Variants in SCPEP1 observed in about 807,000 individuals in gnomAD.
SCPEP1 encodes serine carboxypeptidase 1, also known as retinoid-inducible serine carboxypeptidase.
SCPEP1 carries 51 observed loss-of-function variants against 63.8 expected under a neutral mutation model. That is an observed-to-expected ratio of 0.80 (90% CI 0.64 to 1.01). SCPEP1 has a LOEUF of 1.01. SCPEP1 is among the 50% of genes least tolerant of loss of function. The probability of loss-of-function intolerance (pLI) is 0.00; values close to 1 mark genes in which losing one functional copy is unlikely to be tolerated. For missense variants in SCPEP1, 499 were observed against 554.9 expected (o/e 0.90, Z 1.01); for synonymous variants, 204 against 207.8 (o/e 0.98, Z 0.16).
Position 57,002,440 on chromosome 17 carries a change from G to T in SCPEP1, c.1296+259G>T, listed in dbSNP as rs12601794. 5.6e-3 allele frequency among the ~76,000 whole-genome samples: 854 copies of T among 152,278 alleles called. 9 individuals are homozygous for T. Among genetic ancestry groups the T allele is most frequent in the East Asian group, 0.041 (210 of 5,180 alleles). On this transcript the variant is annotated intron_variant, in intron 12 of 12. Transcript: ENST00000262288. ...ACAAAAAATATGAAAATTAGGCCAG[G>T]CACAGAGGCTCATGCCTGCAATCCC...
chr17:56,986,527 T>C (rs1458614362), intron 3 of SCPEP1, among the ~76,000 whole-genome samples: 1 of 147,140 alleles, frequency 6.8e-6, no homozygotes, highest in Non-Finnish European at 1.5e-5. Flanking sequence ...CACTTTCTGG[T>C]CTTTCTTTGT....
At chr17:56,999,538 C>T (rs1191363846) in intron 10 of SCPEP1, among the ~76,000 whole-genome samples, 1 of 152,112 alleles carries the variant, frequency 6.6e-6, no homozygotes, top group Non-Finnish European at 1.5e-5. Flanking sequence ...TGGGAGCCTA[C>T]GATTTGCTGC....
chr17:57,005,306 G>A (rs559834369), intron 12 of SCPEP1, among the ~76,000 whole-genome samples: 2 of 152,306 alleles, frequency 1.3e-5, no homozygotes, highest in Admixed American at 6.5e-5. Flanking sequence ...AGCCAACCAC[G>A]CGCTCTGTAT....
At chr17:56,985,280 C>G in intron 2 of SCPEP1, 98 bp from the exon 3 acceptor site, 1 of 880,446 alleles carries the variant, frequency 1.1e-6, no homozygotes, top group South Asian at 1.5e-5. Context: ...TTGACCCAGC[C>G]ATCACTAACT....
intron 2 of SCPEP1, chr17:56,985,148 T>C: frequency 1.8e-6 from 1 of 566,202 alleles, no homozygotes. Flanking sequence ...TCAGGAACAT[T>C]CCATTGTGGA....
Position 57,000,951 on chromosome 17 carries a change from C to A in SCPEP1, c.1091C>A (p.Thr364Lys). 1 of 1,614,108 alleles carries A rather than the reference C, an allele frequency of 6.2e-7. No homozygotes were observed. Among genetic ancestry groups the A allele is most frequent in the South Asian group, 1.1e-5 (1 of 91,080 alleles). ...TTGCTGGAGGCAGGGATCAACGTGACGGTGTATAATGGACAGCTGGATCTC... is the reference window on the plus strand; with the variant it reads ...TTGCTGGAGGCAGGGATCAACGTGAAGGTGTATAATGGACAGCTGGATCTC... ...DELLEAGINV[T>K]VYNGQLDLIV... Residue 364 changes from threonine to lysine, a missense_variant, in exon 11 of 13, where the codon ACG (threonine) becomes AAG (lysine). Coordinates refer to ENST00000262288, the MANE Select transcript of SCPEP1 (RefSeq NM_021626.3).
At chr17:56,989,669 G>A (rs553812585) in intron 5 of SCPEP1, among the ~76,000 whole-genome samples, 39 of 152,300 alleles carry the variant, frequency 2.6e-4, no homozygotes, top group Non-Finnish European at 4.6e-4. Context: ...GGATCCAGGC[G>A]GGCGCGGTGG....
In SCPEP1 at chr17:57,006,458, G is replaced by C. The variant is rs1911900648; in HGVS notation, c.*223G>C. 1 of 362,974 alleles carries C rather than the reference G, an allele frequency of 2.8e-6. No homozygotes were observed. Among genetic ancestry groups the C allele is most frequent in the Admixed American group, 4.5e-5 (1 of 22,054 alleles). 22.5% of individuals were successfully genotyped at this position (362,974 alleles called of 1,614,324 possible). Reference sequence around the variant, plus strand: ...CTAAGATTTTTTAAAAAATTGATTTGTTTTGATCAAAATAAAGGATGATAA... The same window carrying C: ...CTAAGATTTTTTAAAAAATTGATTTCTTTTGATCAAAATAAAGGATGATAA... On this transcript the variant is annotated 3_prime_UTR_variant, in exon 13 of 13. Transcript: ENST00000262288.
At chr17:56,994,384 T>G (rs1231116309) in intron 6 of SCPEP1, among the ~76,000 whole-genome samples, 1 of 152,250 alleles carries the variant, frequency 6.6e-6, no homozygotes, top group African/African-American at 2.4e-5. Context: ...CTATTCTCTT[T>G]GAGGACAGGC....
At chr17:56,990,354 T>C (rs1911356292) in intron 5 of SCPEP1, among the ~76,000 whole-genome samples, 1 of 152,224 alleles carries the variant, frequency 6.6e-6, no homozygotes, top group Non-Finnish European at 1.5e-5. Flanking sequence ...TTTTTTAAGA[T>C]TTATTAATTT....
chr17:56,989,418 TAATTTA>T (rs1451299120), intron 5 of SCPEP1, among the ~76,000 whole-genome samples: 2 of 152,170 alleles, frequency 1.3e-5, no homozygotes, highest in African/African-American at 4.8e-5. Flanking sequence ...GAATACAAAT[TAATTTA>T]AATTTAAAAG....
intron 6 of SCPEP1, among the ~76,000 whole-genome samples, chr17:56,994,417 C>T (rs549696527): frequency 5.3e-5 from 8 of 152,344 alleles, no homozygotes; most frequent in Admixed American, 1.3e-4. Flanking sequence ...ACATTTATAT[C>T]TTAAGCTTTT....
At chr17:56,985,272 G>T in intron 2 of SCPEP1, 106 bp from the exon 3 acceptor site, 1 of 820,726 alleles carries the variant, frequency 1.2e-6, no homozygotes, top group South Asian at 1.6e-5. Context: ...TGTGCAAATT[G>T]ACCCAGCCAT....
rs750415125 is a variant in SCPEP1 at position 56,998,400 on chromosome 17, G to T, written c.896G>T (p.Arg299Leu). 5.0e-6 allele frequency: 8 copies of T among 1,613,240 alleles called. No homozygotes were observed. In the Admixed American group the frequency reaches 1.2e-4, roughly 24 times the overall value. Residue 299 changes from arginine to leucine, a missense_variant, in exon 10 of 13, where the codon CGC (arginine) becomes CTC (leucine). Transcript: ENST00000262288. ...TQSHLVCLCQ[R>L]HVRHLQRDAL... Reference sequence around the variant, plus strand: ...TTGGTTTTAGTTTGTCTTTGTCAGCGCCACGTGAGACACCTACAACGAGAT... The same window carrying T: ...TTGGTTTTAGTTTGTCTTTGTCAGCTCCACGTGAGACACCTACAACGAGAT...
intron 10 of SCPEP1, among the ~76,000 whole-genome samples, chr17:57,000,312 G>A (rs1911701440): frequency 6.6e-6 from 1 of 152,144 alleles, no homozygotes; most frequent in African/African-American, 2.4e-5. Context: ...TTCAGTGTTA[G>A]GATAATGCTG....
intron 9 of SCPEP1, 28 bp downstream of exon 9, chr17:56,997,083 C>T: frequency 1.5e-6 from 2 of 1,379,142 alleles, no homozygotes; most frequent in East Asian, 2.4e-5. Flanking sequence ...TTATTAAAGT[C>T]CCTGCCTCAG....
chr17:56,991,304 A>G, intron 6 of SCPEP1, 133 bp downstream of exon 6: 1 of 752,610 alleles, frequency 1.3e-6, no homozygotes, highest in Non-Finnish European at 2.4e-6. Flanking sequence ...TGTTTGCTAC[A>G]TCCAAGAAAT....
chr17:56,991,694 A>G (rs949486388), intron 6 of SCPEP1, among the ~76,000 whole-genome samples: 4 of 152,242 alleles, frequency 2.6e-5, no homozygotes, highest in Admixed American at 2.0e-4. Context: ...AGAGTTGTTT[A>G]TGTTGCAGAC....
chr17:57,000,065 G>A (rs538036402), intron 10 of SCPEP1, among the ~76,000 whole-genome samples: 76 of 152,108 alleles, frequency 5.0e-4, no homozygotes, highest in African/African-American at 1.6e-3. Flanking sequence ...TGGGAGGATC[G>A]CTTAAGCCTG....
Sources: gnomAD v4.1 joint callset for allele counts (sites outside exome capture counted in the v4.1 genomes callset) on GRCh38, gnomAD v4.1.1 for gene constraint, MANE v1.5 for transcripts, NCBI Gene and HGNC (gene_info 2026-07-23, HGNC 2026-07-21) for gene names.